ARPIN: variants seen among roughly 807,000 people sequenced by gnomAD.
ARPIN encodes UPF0552 protein C15orf38.
A neutral mutation model predicts 25.9 loss-of-function variants in ARPIN; 23 were observed. The observed-to-expected ratio is 0.89, with a 90% CI of 0.64 to 1.26. The LOEUF (loss-of-function observed/expected upper bound fraction) is 1.26, where lower values mean the gene tolerates loss of function less well. Among genes scored for constraint, ARPIN ranks in the 50% most tolerant of loss-of-function variants. ARPIN has a pLI of 0.00. For missense variants in ARPIN, 333 were observed against 312.2 expected, an observed-to-expected ratio of 1.07 and a Z score of -0.50; for synonymous variants, 126 against 131.4, an observed-to-expected ratio of 0.96 and a Z score of 0.28.
chr15:89,907,316 C>T (rs976658117), intron 3 of ARPIN, among the ~76,000 whole-genome samples: 2 of 152,100 alleles, frequency 1.3e-5, no homozygotes, highest in African/African-American at 4.8e-5. Flanking sequence ...GATCCACCCA[C>T]CTCGGCCTCC....
chr15:89,901,912 T>G lies in ARPIN; in HGVS notation c.673-109A>C. 3 of 1,333,636 alleles carry G rather than the reference T, an allele frequency of 2.2e-6. No individual in the cohort carries two copies. The East Asian group carries it at 7.3e-5, about 32-fold the overall frequency. The allele number at this position is 1,333,636 out of a possible 1,614,324, so 82.6% of individuals were successfully genotyped here. On this transcript the variant is annotated intron_variant, in intron 5 of 5. Coordinates refer to ENST00000357484, the MANE Select transcript of ARPIN (RefSeq NM_182616.4). ...AATTGCGTGGTACCTGTGGGGCCCA[T>G]GAGTGCTTGCCTGGGCGCCTCATTA...
In ARPIN at chr15:89,912,863, C is replaced by T. The variant is rs1250644120; in HGVS notation, c.-28G>A. On this transcript the variant is annotated 5_prime_UTR_variant, in exon 1 of 6. In the 5' UTR this introduces an upstream ATG that the reference lacks. Transcript: ENST00000357484. ...TCCCGACCGCCCGGGCACCCCGGCA[C>T]AGAGCCGGCGCACTGGGCTGGGGGC... 6.6e-7 allele frequency: 1 copy of T among 1,511,824 alleles called. No individual in the cohort carries two copies. The highest frequency in any genetic ancestry group is 8.8e-7 in the Non-Finnish European group (1 of 1,134,300). 93.7% of individuals were successfully genotyped at this position (1,511,824 alleles called of 1,614,324 possible). A position where few individuals can be genotyped will look rare whatever the true frequency, so the allele number is the denominator to read the frequency against.
chr15:89,901,566 T>G lies in ARPIN; in HGVS notation c.*229A>C. The G allele has an allele frequency of 1.7e-6, 1 of 581,274 alleles. No individual in the cohort carries two copies. Among genetic ancestry groups the G allele is most frequent in the Non-Finnish European group, 3.1e-6 (1 of 326,390 alleles). 36.0% of individuals were successfully genotyped at this position (581,274 alleles called of 1,614,324 possible). ...AATGTCTAGGAAGGCTAGACTCACATGCAGGGAGGGGCCCTCCCTGAGCCA... is the reference window on the plus strand; with the variant it reads ...AATGTCTAGGAAGGCTAGACTCACAGGCAGGGAGGGGCCCTCCCTGAGCCA... On this transcript the variant is annotated 3_prime_UTR_variant, in exon 6 of 6. Coordinates refer to ENST00000357484, the MANE Select transcript of ARPIN (RefSeq NM_182616.4).
Position 89,912,724 on chromosome 15 carries a change from G to T in ARPIN, c.92+20C>A. On this transcript the variant is annotated intron_variant, in intron 1 of 5. Coordinates refer to ENST00000357484, the MANE Select transcript of ARPIN (RefSeq NM_182616.4). ...GCCGGGGCAGGGGAGGCCGACCCGA[G>T]GCCGTGAGCCCAGGCCTACCCCTGG... 8.8e-7 allele frequency: 1 copy of T among 1,137,416 alleles called. No homozygotes were observed. 70.5% of individuals were successfully genotyped at this position (1,137,416 alleles called of 1,614,324 possible). A position where few individuals can be genotyped will look rare whatever the true frequency, so the allele number is the denominator to read the frequency against.
At chr15:89,912,268 G>A in intron 1 of ARPIN, 1 of 992,384 alleles carries the variant, frequency 1.0e-6, no homozygotes, top group Non-Finnish European at 1.2e-6. Flanking sequence ...TCATAACCCT[G>A]TGACGACAGG....
chr15:89,912,203 ATT>A (rs1897236845), intron 1 of ARPIN: 2 of 985,876 alleles, frequency 2.0e-6, no homozygotes. Context: ...TATCTGGCTT[ATT>A]TCACTTAGCA....
chr15:89,910,879 C>G, intron 1 of ARPIN, 60 bp from the exon 2 acceptor site: 1 of 1,591,202 alleles, frequency 6.3e-7, no homozygotes, highest in Non-Finnish European at 8.6e-7. Context: ...AAATCTCACC[C>G]GTGTCTCCTA....
chr15:89,910,919 G>T, intron 1 of ARPIN, 100 bp from the exon 2 acceptor site: 1 of 1,366,534 alleles, frequency 7.3e-7, no homozygotes, highest in South Asian at 1.2e-5. Flanking sequence ...GCTGGGTACT[G>T]AGCAGCTCCT....
rs916094133 is a variant in ARPIN, at chr15:89,897,903, A to G, written c.*3892T>C. On this transcript the variant is annotated 3_prime_UTR_variant, in exon 6 of 6. Coordinates refer to ENST00000357484, the MANE Select transcript of ARPIN (RefSeq NM_182616.4). The stretch of plus-strand genomic sequence containing the variant: ...CACCTGAGGTCAGGAGTTCGAGACC[A>G]GCCTAGCCAACATGGTGAAATCGCA... 1.3e-5 allele frequency: 2 copies of G among 152,150 alleles called. No homozygotes were observed. The highest frequency in any genetic ancestry group is 2.9e-5 in the Non-Finnish European group (2 of 68,046). The allele number at this position is 152,150 out of a possible 1,614,324, so 9.4% of individuals were successfully genotyped here.
At chr15:89,909,304 G>A (rs1211681249) in intron 2 of ARPIN, among the ~76,000 whole-genome samples, 1 of 151,888 alleles carries the variant, frequency 6.6e-6, no homozygotes, top group Non-Finnish European at 1.5e-5. Flanking sequence ...AATGCTCCCA[G>A]GGCCTGAAGA....
intron 1 of ARPIN, chr15:89,912,281 C>A: frequency 4.0e-6 from 4 of 994,790 alleles, no homozygotes; most frequent in Non-Finnish European, 4.8e-6. Context: ...ACGACAGGGC[C>A]TGGCCCTCCA....
intron 5 of ARPIN, chr15:89,902,902 T>A: frequency 7.8e-7 from 1 of 1,288,614 alleles, no homozygotes; most frequent in East Asian, 3.8e-5. Context: ...GTTAATGTAT[T>A]CACTTGAAGT....
In ARPIN at chr15:89,897,662, T is replaced by C. The variant is rs925482952; in HGVS notation, c.*4133A>G. ...TATGCAAGTTTACAAAAACCAAAAC[T>C]ATGTACACAAATTACATGCTAAAAA... On this transcript the variant is annotated 3_prime_UTR_variant, in exon 6 of 6. Coordinates refer to ENST00000357484, the MANE Select transcript of ARPIN (RefSeq NM_182616.4). 3.3e-5 allele frequency: 5 copies of C among 152,206 alleles called. No homozygotes were observed. The highest frequency in any genetic ancestry group is 1.2e-4 in the African/African-American group (5 of 41,454). 9.4% of individuals were successfully genotyped at this position (152,206 alleles called of 1,614,324 possible).
intron 1 of ARPIN, among the ~76,000 whole-genome samples, chr15:89,911,396 CG>C (rs1003622474): frequency 2.0e-5 from 3 of 152,148 alleles, no homozygotes; most frequent in African/African-American, 7.2e-5. Flanking sequence ...CAAGATCACA[CG>C]GTCCTTCACT....
Position 89,908,357 on chromosome 15 carries a change from T to C in ARPIN, c.224A>G (p.Asp75Gly), listed in dbSNP as rs773934198. Residue 75 changes from aspartate to glycine, a missense_variant, in exon 3 of 6, where the codon GAC becomes GGC. Transcript: ENST00000357484. ...GGGCTCGATTTCATTTCCCTTGGCG[T>C]CGAATTTACGGCGATGGATGTGACT... The part of the protein sequence containing the change: ...RPSHIHRRKF[D>G]AKGNEIEPNF... The C allele has an allele frequency of 1.9e-6, 3 of 1,614,072 alleles. No homozygotes were observed. Among genetic ancestry groups the C allele is most frequent in the East Asian group, 2.2e-5 (1 of 44,880 alleles).
At chr15:89,910,958 C>T (rs1897213108) in intron 1 of ARPIN, 139 bp from the exon 2 acceptor site, 1 of 1,006,952 alleles carries the variant, frequency 9.9e-7, no homozygotes, top group East Asian at 2.7e-5. Flanking sequence ...TAGGGATCTC[C>T]AAAGGGTCCC....
intron 2 of ARPIN, among the ~76,000 whole-genome samples, 199 bp from the exon 3 acceptor site, chr15:89,908,611 A>T (rs986897201): frequency 5.9e-5 from 9 of 152,146 alleles, no homozygotes; most frequent in Non-Finnish European, 1.3e-4. Context: ...CCTGCCGCAT[A>T]TAATGAGCCC....
Position 89,912,608 on chromosome 15 carries a change from G to A in ARPIN, c.92+136C>T, listed in dbSNP as rs1405677540. The A allele has an allele frequency of 3.0e-6, 4 of 1,352,676 alleles. No homozygotes were observed. In the African/African-American group the frequency reaches 6.2e-5, roughly 21 times the overall value. 83.8% of individuals were successfully genotyped at this position (1,352,676 alleles called of 1,614,324 possible). On this transcript the variant is annotated intron_variant, in intron 1 of 5. Coordinates refer to ENST00000357484, the MANE Select transcript of ARPIN (RefSeq NM_182616.4). ...GGCGCCGGGAGCGGCGGACTGGAGG[G>A]GCGGACTGAAGGCGGAGAGGCGGCT...
rs750193274 is a variant in ARPIN, at chr15:89,901,245, C to G, written c.*550G>C. ...AACAATGAGAACGGAGGAAGAGCCC[C>G]GCTAACTTCTCTCAGCTGCTCTGCA... On this transcript the variant is annotated 3_prime_UTR_variant, in exon 6 of 6. Coordinates refer to ENST00000357484, the MANE Select transcript of ARPIN (RefSeq NM_182616.4). 1 of 158,626 alleles carries G rather than the reference C, an allele frequency of 6.3e-6. No homozygotes were observed. The highest frequency in any genetic ancestry group is 1.4e-5 in the Non-Finnish European group (1 of 72,632). The allele number at this position is 158,626 out of a possible 1,614,324, so 9.8% of individuals were successfully genotyped here. A position where few individuals can be genotyped will look rare whatever the true frequency, so the allele number is the denominator to read the frequency against.
Sources: allele counts gnomAD v4.1 joint callset (sites outside exome capture counted in the v4.1 genomes callset), GRCh38; gene constraint gnomAD v4.1.1; transcripts MANE v1.5; gene names NCBI Gene and HGNC (gene_info 2026-07-23, HGNC 2026-07-21).